The following SOX5 variants were observed in gnomAD, a reference collection of about 807,000 sequenced individuals.
The protein encoded by SOX5 is transcription factor SOX-5.
In SOX5, 9 loss-of-function variants were observed where a neutral mutation model predicts 92.0. The ratio of observed to expected loss-of-function variants is 0.10; its 90% CI spans 0.06 to 0.17. The LOEUF is 0.17. Ranked by LOEUF, SOX5 falls within the 10% of genes least tolerant of loss-of-function variation. The probability of loss-of-function intolerance (pLI) is 1.00; values close to 1 mark genes in which losing one functional copy is unlikely to be tolerated. For missense variants in SOX5, 642 were observed against 944.5 expected, an observed-to-expected ratio of 0.68 and a Z score of 4.20; for synonymous variants, 344 against 336.3, an observed-to-expected ratio of 1.02 and a Z score of -0.25.
intron 2 of SOX5, among the ~76,000 whole-genome samples, chr12:23,877,021 A>T (rs1029476255): frequency 3.2e-4 from 49 of 152,064 alleles, no homozygotes; most frequent in Non-Finnish European, 2.6e-4. Context: ...GAGGGACAGC[A>T]TTTGGAGAAA....
rs765318105 is a variant in SOX5 at position 23,534,514 on chromosome 12, G to T, written c.1997C>A (p.Ala666Glu). Residue 666 changes from alanine (A) to glutamate (E), a missense_variant, in exon 15 of 15, where the codon GCA (alanine) becomes GAA (glutamate). By Grantham distance (107) the Ala-to-Glu change is moderately radical. This residue lies in a region of SOX5 where 130 missense variants were observed against 140.6 expected (regional missense o/e 0.92). Transcript: ENST00000451604. ...ACCAGCAGTGGCAATGGGGATCTGT[G>T]CTTGTTGCCTGTCAAGAAAGGAATT... is the stretch of plus-strand genomic sequence containing the variant. The part of the protein sequence containing the change: ...MRQYFNVGQQ[A>E]QIPIATAGVV... 6.2e-7 allele frequency: 1 copy of T among 1,608,562 alleles called. No homozygotes were observed. The highest frequency in any genetic ancestry group is 8.5e-7 in the Non-Finnish European group (1 of 1,176,740).
intron 4 of SOX5, among the ~76,000 whole-genome samples, chr12:24,106,290 T>A (rs564050163): frequency 6.6e-6 from 1 of 152,054 alleles, no homozygotes; most frequent in Non-Finnish European, 1.5e-5. Context: ...TAAGGTTGAT[T>A]ACAAACAAGA....
intron 2 of SOX5, among the ~76,000 whole-genome samples, chr12:23,883,893 T>C (rs200991153): frequency 6.6e-6 from 1 of 152,200 alleles, no homozygotes; most frequent in Admixed American, 6.5e-5. Flanking sequence ...GACTGAGAGA[T>C]AATATCTCAG....
chr12:24,396,575 C>T (rs1418165592), intron 1 of SOX5, among the ~76,000 whole-genome samples: 1 of 152,254 alleles, frequency 6.6e-6, no homozygotes, highest in Non-Finnish European at 1.5e-5. Flanking sequence ...CCTGCCAGCT[C>T]CTGCCTCCAC....
chr12:23,812,589 C>G (rs2142455402), intron 3 of SOX5, among the ~76,000 whole-genome samples: 1 of 152,064 alleles, frequency 6.6e-6, no homozygotes, highest in East Asian at 1.9e-4. Flanking sequence ...ATAATATGAG[C>G]AAGGCCAAAC....
intron 2 of SOX5, among the ~76,000 whole-genome samples, chr12:24,349,340 T>C (rs888036389): frequency 1.3e-5 from 2 of 152,238 alleles, no homozygotes; most frequent in African/African-American, 4.8e-5. Context: ...TTAGTCACAT[T>C]AAGTACATTC....
At chr12:24,515,437 T>C (rs1318416003) in intron 1 of SOX5, among the ~76,000 whole-genome samples, 1 of 152,224 alleles carries the variant, frequency 6.6e-6, no homozygotes, top group Non-Finnish European at 1.5e-5. Context: ...AGTGCTTTGA[T>C]ACTTCATTCA....
intron 4 of SOX5, among the ~76,000 whole-genome samples, chr12:23,996,158 A>G (rs1238033287): frequency 6.6e-6 from 1 of 152,190 alleles, no homozygotes; most frequent in African/African-American, 2.4e-5. Flanking sequence ...ATGAAGGGCT[A>G]CTAAACTTAA....
At chr12:24,305,812 G>T (rs1161208688) in intron 2 of SOX5, among the ~76,000 whole-genome samples, 1 of 152,158 alleles carries the variant, frequency 6.6e-6, no homozygotes, top group Non-Finnish European at 1.5e-5. Flanking sequence ...GCCCACGCTG[G>T]TCTTGAACTC....
chr12:23,991,613 C>A (rs931997189), intron 4 of SOX5, among the ~76,000 whole-genome samples: 1 of 151,756 alleles, frequency 6.6e-6, no homozygotes, highest in Admixed American at 6.6e-5. Context: ...TTTGTAGATA[C>A]CAAGAAATTT....
chr12:24,055,206 G>A (rs1475065803), intron 4 of SOX5, among the ~76,000 whole-genome samples: 1 of 152,156 alleles, frequency 6.6e-6, no homozygotes, highest in Non-Finnish European at 1.5e-5. Flanking sequence ...GGCCAAGCAG[G>A]CCCATCAGTC....
chr12:24,449,997 C>A lies in SOX5; in HGVS notation c.-250-81358G>T, dbSNP rs1596784425. On this transcript the variant is annotated intron_variant, in intron 1 of 4. Coordinates refer to the SOX5 transcript ENST00000446891. ...AAGACCAAATCCTAAGACTACCTTT[C>A]TTTTGACACACTCTCTGTAAAATGA... Among the ~76,000 whole-genome samples, 3 of 152,176 alleles carry A rather than the reference C, an allele frequency of 2.0e-5. No individual in the cohort carries two copies. The South Asian group carries it at 6.2e-4, about 32-fold the overall frequency.
Position 24,058,796 on chromosome 12 carries a change from T to TATAAATAA in SOX5, c.-2+154539_-2+154546dup, listed in dbSNP as rs71059969. On this transcript the variant is annotated intron_variant, in intron 4 of 4. Transcript: ENST00000446891. ...GCTGTAATAAGCCTGTTAGTAAGTA[T>TATAAATAA]ATAAATAAATAAATAAATATAGTTC... Among the ~76,000 whole-genome samples, 861 of 151,310 alleles carry TATAAATAA rather than the reference T, an allele frequency of 5.7e-3. 4 individuals are homozygous for TATAAATAA. Among genetic ancestry groups the TATAAATAA allele is most frequent in the East Asian group, 0.021 (109 of 5,100 alleles).
At chr12:24,506,542 T>C (rs1309954131) in intron 1 of SOX5, among the ~76,000 whole-genome samples, 2 of 152,160 alleles carry the variant, frequency 1.3e-5, no homozygotes, top group Admixed American at 1.3e-4. Context: ...GAATTTACAG[T>C]TAAAAATTAA....
chr12:24,539,073 A>C (rs1951891811), intron 1 of SOX5, among the ~76,000 whole-genome samples: 1 of 152,156 alleles, frequency 6.6e-6, no homozygotes, highest in Non-Finnish European at 1.5e-5. Flanking sequence ...GTTCAGTATG[A>C]TTTAGTCCCC....
At chr12:24,081,816 G>A (rs555258741) in intron 4 of SOX5, among the ~76,000 whole-genome samples, 55 of 151,904 alleles carry the variant, frequency 3.6e-4, no homozygotes, top group Non-Finnish European at 6.0e-4. Flanking sequence ...CCATTCAAAC[G>A]TTCTTCACAA....
intron 3 of SOX5, among the ~76,000 whole-genome samples, chr12:24,274,583 A>G (rs78356284): frequency 0.056 from 8,575 of 152,060 alleles, 823 homozygotes; most frequent in African/African-American, 0.2. Flanking sequence ...AGACCCAAAC[A>G]ATCTGTCTCC....
At chr12:23,929,047 G>A (rs1940778016) in intron 1 of SOX5, among the ~76,000 whole-genome samples, 1 of 151,014 alleles carries the variant, frequency 6.6e-6, no homozygotes, top group Admixed American at 6.6e-5. Context: ...TGCCTTCTAC[G>A]AAACAAAAAC....
chr12:23,980,113 T>C (rs1438640601), intron 4 of SOX5, among the ~76,000 whole-genome samples: 1 of 152,090 alleles, frequency 6.6e-6, no homozygotes, highest in Non-Finnish European at 1.5e-5. Flanking sequence ...GTTATCTTCG[T>C]ATGGCCATAA....
Sources: gnomAD v4.1 joint callset for allele counts (sites outside exome capture counted in the v4.1 genomes callset) on GRCh38, gnomAD v4.1.1 for gene constraint, gnomAD v4.1.1 regional missense constraint, MANE v1.5 for transcripts, NCBI Gene and HGNC (gene_info 2026-07-23, HGNC 2026-07-21) for gene names.